Variants in SETX observed in about 807,000 individuals in gnomAD.
SETX encodes the protein helicase senataxin.
Under a neutral mutation model 227.2 loss-of-function variants are expected in SETX, and 90 were observed. The observed-to-expected ratio is 0.40, with a 90% confidence interval of 0.33 to 0.47. The LOEUF (loss-of-function observed/expected upper bound fraction) is 0.47. Ranked by LOEUF, SETX falls within the 20% of genes least tolerant of loss-of-function variation. The pLI, the probability that SETX is intolerant of heterozygous loss-of-function variation, is 0.91. For synonymous variants in SETX, 1,210 were observed against 1,113.2 expected (o/e 1.09, Z -1.73); for missense variants, 3,052 against 3,181.5 (o/e 0.96, Z 0.98).
At chr9:132,347,656 C>T (rs1351521791) in intron 3 of SETX, among the ~76,000 whole-genome samples, 1 of 151,406 alleles carries the variant, frequency 6.6e-6, no homozygotes, top group Non-Finnish European at 1.5e-5. Flanking sequence ...CTCAACATCC[C>T]TATCAACTAC....
At chr9:132,297,944 C>G in intron 13 of SETX, 136 bp downstream of exon 13, 1 of 749,354 alleles carries the variant, frequency 1.3e-6, no homozygotes, top group South Asian at 1.7e-5. Flanking sequence ...CTTTGCAATA[C>G]TAAAGAAAAC....
chr9:132,355,258 G>C (rs968565500), upstream of SETX, among the ~76,000 whole-genome samples: 3 of 152,108 alleles, frequency 2.0e-5, no homozygotes, highest in African/African-American at 7.2e-5. Context: ...CCCCGCCCGG[G>C]GCTTCCTGCG....
At chr9:132,348,498 TA>T (rs1848435511) in intron 3 of SETX, among the ~76,000 whole-genome samples, 1 of 152,160 alleles carries the variant, frequency 6.6e-6, no homozygotes, top group South Asian at 2.1e-4. Context: ...TTTATTTCAT[TA>T]AATTATTTTA....
At chr9:132,272,868 T>G (rs978009370) in intron 23 of SETX, among the ~76,000 whole-genome samples, 3 of 151,492 alleles carry the variant, frequency 2.0e-5, no homozygotes, top group Non-Finnish European at 2.9e-5. Flanking sequence ...ACAAGTTATT[T>G]ACTTAGTGTT....
At chr9:132,337,049 A>G (rs934347279) in intron 5 of SETX, among the ~76,000 whole-genome samples, 4 of 152,158 alleles carry the variant, frequency 2.6e-5, no homozygotes, top group African/African-American at 4.8e-5. Flanking sequence ...CTGGGCGACA[A>G]GAGTAAGACT....
rs777952266 is a variant in SETX at position 132,336,450 on chromosome 9, G to C, written c.564C>G (p.Asp188Glu). The C allele has an allele frequency of 7.4e-6, 12 of 1,614,100 alleles. No individual in the cohort carries two copies. The highest frequency in any genetic ancestry group is 1.0e-5 in the Non-Finnish European group (12 of 1,180,004). Residue 188 changes from aspartate (D) to glutamate (E), a missense_variant, in exon 6 of 26, where the codon GAC becomes GAG. Physicochemically the swap from Asp to Glu is conservative, Grantham distance 45. Transcript: ENST00000224140. ...LGKVDRDDYY[D>E]LQEVLLCLFK... ...AAAGGCAAAGTAAAACTTCTTGTAA[G>C]TCATAATAATCATCTCTGTCCACTT...
chr9:132,346,900 A>G (rs1191702554), intron 3 of SETX, among the ~76,000 whole-genome samples: 1 of 152,072 alleles, frequency 6.6e-6, no homozygotes, highest in Non-Finnish European at 1.5e-5. Context: ...AGCTACAGTG[A>G]GCTATGATTG....
At chr9:132,337,094 C>T (rs1208755909) in intron 5 of SETX, among the ~76,000 whole-genome samples, 3 of 151,640 alleles carry the variant, frequency 2.0e-5, no homozygotes, top group Non-Finnish European at 4.4e-5. Context: ...TAATATTTTT[C>T]GTTTTTTTTA....
chr9:132,295,757 A>T, intron 15 of SETX, 115 bp downstream of exon 15: 1 of 948,588 alleles, frequency 1.1e-6, no homozygotes, highest in Non-Finnish European at 1.6e-6. Flanking sequence ...CACAAGCCAC[A>T]GATTCAAGTA....
intron 3 of SETX, 41 bp from the exon 4 acceptor site, chr9:132,346,512 C>G (rs1679816210): frequency 7.1e-7 from 1 of 1,402,728 alleles, no homozygotes; most frequent in Admixed American, 1.9e-5. Flanking sequence ...TATGTCTTAT[C>G]ATCAACAAAA....
intron 15 of SETX, among the ~76,000 whole-genome samples, chr9:132,289,164 C>T (rs1344394634): frequency 6.6e-6 from 1 of 152,080 alleles, no homozygotes; most frequent in East Asian, 1.9e-4. Flanking sequence ...CAGAATGTGA[C>T]CTGCTCTCCT....
intron 10 of SETX, among the ~76,000 whole-genome samples, chr9:132,322,225 G>A (rs950559723): frequency 6.6e-5 from 10 of 151,856 alleles, no homozygotes; most frequent in South Asian, 2.1e-4. Flanking sequence ...AAATGGAGAC[G>A]GTATTTCATA....
At position 132,265,035 on chromosome 9, in the gene SETX, T is replaced by G. The variant is rs1315179769; in HGVS notation, c.7288-50A>C. On this transcript the variant is annotated intron_variant, in intron 25 of 25. Coordinates refer to ENST00000224140, the MANE Select transcript of SETX (RefSeq NM_015046.7). ...TAATTACACCCCAAAGAGACACTGC[T>G]TGGGAAGCATAGAGTTCCAGCTTTC... 3.7e-6 allele frequency: 6 copies of G among 1,601,076 alleles called. No individual in the cohort carries two copies. In the East Asian group the frequency reaches 6.7e-5, roughly 18 times the overall value.
In SETX at chr9:132,327,837, T is replaced by G. The variant is rs776396653; in HGVS notation, c.3761A>C (p.Asn1254Thr). 6.8e-6 allele frequency: 11 copies of G among 1,614,032 alleles called. No homozygotes were observed. In the Admixed American group the frequency reaches 1.0e-4, roughly 15 times the overall value. The change falls in exon 10 of 26, where the codon AAT becomes ACT. Residue 1254 changes from asparagine to threonine, a missense_variant. Coordinates refer to ENST00000224140, the MANE Select transcript of SETX (RefSeq NM_015046.7). The stretch of plus-strand genomic sequence containing the variant: ...ACAACTTAGGTAATTTGAACTTCTA[T>G]TCTGTCCTTTTTTGGCATCTGAATG... The part of the protein sequence containing the change: ...KTHSDAKKGQ[N>T]RSSNYLSCRT...
In SETX at chr9:132,327,229, T is replaced by C. The variant is rs747804357; in HGVS notation, c.4369A>G (p.Ile1457Val). The C allele has an allele frequency of 2.5e-6, 4 of 1,614,202 alleles. No individual in the cohort carries two copies. Among genetic ancestry groups the C allele is most frequent in the East Asian group, 4.5e-5 (2 of 44,884 alleles). Reference protein sequence around the residue: ...LNGTVPTNEVIVSTSEDPLGG... With the variant: ...LNGTVPTNEVVVSTSEDPLGG... Reference sequence around the variant, plus strand: ...AGAGGGTCTTCTGAAGTGGAGACAATTACTTCATTTGTTGGTACTGTTCCA... The same window carrying C: ...AGAGGGTCTTCTGAAGTGGAGACAACTACTTCATTTGTTGGTACTGTTCCA... The change falls in exon 10 of 26, where the codon ATT becomes GTT. Residue 1457 changes from isoleucine (I) to valine (V), a missense_variant. Physicochemically the swap from Ile to Val is conservative, Grantham distance 29. This residue lies in a region of SETX where 1,483 missense variants were observed against 1,312.0 expected (regional missense o/e 1.13). Transcript: ENST00000224140.
Position 132,296,983 on chromosome 9 carries a change from G to A in SETX, c.5853C>T (p.His1951=). ...AGCAGATTTTGGCAACTGATGGTGAGTGTTTCACCATAGCATATGCAGTTT... is the reference window on the plus strand; with the variant it reads ...AGCAGATTTTGGCAACTGATGGTGAATGTTTCACCATAGCATATGCAGTTT... ...AIETAYAMVK[H]SPSVAKICLI... is the part of the protein sequence containing the mutation. Residue 1951 remains histidine, a synonymous_variant, in exon 14 of 26, where the codon CAC becomes CAT. Transcript: ENST00000224140. 6.2e-7 allele frequency: 1 copy of A among 1,612,716 alleles called. No individual in the cohort carries two copies. Among genetic ancestry groups the A allele is most frequent in the Middle Eastern group, 1.7e-4 (1 of 6,060 alleles).
intron 25 of SETX, 102 bp from the exon 26 acceptor site, chr9:132,265,087 TGTA>T: frequency 1.4e-5 from 19 of 1,328,412 alleles, no homozygotes; most frequent in Middle Eastern, 1.8e-4. Context: ...TACATATTAT[TGTA>T]TGAACATATT....
At chr9:132,303,347 A>C (rs1442368254) in intron 11 of SETX, among the ~76,000 whole-genome samples, 1 of 151,782 alleles carries the variant, frequency 6.6e-6, no homozygotes, top group Non-Finnish European at 1.5e-5. Flanking sequence ...AGCAAAAAAA[A>C]AAAAAAAAAC....
chr9:132,322,391 C>G (rs1481426532), intron 10 of SETX, among the ~76,000 whole-genome samples: 2 of 152,084 alleles, frequency 1.3e-5, no homozygotes, highest in South Asian at 2.1e-4. Flanking sequence ...CCAATTCCCC[C>G]CTCCTTCCTT....
Sources: gnomAD v4.1 joint callset for allele counts (sites outside exome capture counted in the v4.1 genomes callset) on GRCh38, gnomAD v4.1.1 for gene constraint, gnomAD v4.1.1 regional missense constraint, MANE v1.5 for transcripts, NCBI Gene and HGNC (gene_info 2026-07-23, HGNC 2026-07-21) for gene names.